RANBP2: variants seen among roughly 807,000 people sequenced by gnomAD.
The protein encoded by RANBP2 is RAN binding protein 2, also known as E3 SUMO-protein ligase RanBP2.
In RANBP2, 57 loss-of-function variants were observed where a neutral mutation model predicts 303.6. The ratio of observed to expected loss-of-function variants is 0.19; its 90% CI spans 0.15 to 0.23. The LOEUF (loss-of-function observed/expected upper bound fraction) is 0.23, where lower values mean the gene tolerates loss of function less well. Ranked by LOEUF, RANBP2 falls within the 10% of genes least tolerant of loss-of-function variation. The pLI, the probability that RANBP2 is intolerant of heterozygous loss-of-function variation, is 1.00. For synonymous variants in RANBP2, 1,167 were observed against 1,301.5 expected (o/e 0.90, Z 2.23); for missense variants, 3,138 against 3,780.8 (o/e 0.83, Z 4.46).
the RANBP2 span, among the ~76,000 whole-genome samples, chr2:109,561,385 G>A: frequency 6.6e-6 from 1 of 151,976 alleles, no homozygotes; most frequent in Admixed American, 6.6e-5. Context: ...CTCTCCTTTA[G>A]TGCTTATATC....
the RANBP2 span, among the ~76,000 whole-genome samples, chr2:108,966,045 AC>A: frequency 1.3e-5 from 2 of 152,200 alleles, no homozygotes; most frequent in Non-Finnish European, 2.9e-5. Context: ...CACAATTAAA[AC>A]ATTCAATATC....
chr2:109,657,619 TA>T, the RANBP2 span, among the ~76,000 whole-genome samples: 19 of 151,888 alleles, frequency 1.3e-4, no homozygotes, highest in South Asian at 2.1e-4. Flanking sequence ...TGCATTTAAC[TA>T]GGAATAAGAT....
chr2:109,639,796 C>T, the RANBP2 span, among the ~76,000 whole-genome samples: 2 of 151,180 alleles, frequency 1.3e-5, no homozygotes, highest in East Asian at 2.0e-4. Context: ...CGGCAACCTC[C>T]ACCTCCTGGG....
At chr2:108,865,634 C>T in the RANBP2 span, among the ~76,000 whole-genome samples, 8 of 152,160 alleles carry the variant, frequency 5.3e-5, no homozygotes, top group African/African-American at 1.9e-4. Flanking sequence ...TCTTAATAGT[C>T]CCTAGGCATC....
chr2:108,842,347 G>C, the RANBP2 span, among the ~76,000 whole-genome samples: 1 of 151,976 alleles, frequency 6.6e-6, no homozygotes, highest in East Asian at 1.9e-4. Flanking sequence ...CTGAAATAAA[G>C]AATTTATTAC....
the RANBP2 span, among the ~76,000 whole-genome samples, chr2:109,264,062 C>G: frequency 1.1e-4 from 17 of 152,334 alleles, no homozygotes; most frequent in Non-Finnish European, 1.6e-4. Flanking sequence ...CTGGGCTGTT[C>G]CAGCTCCTCC....
the RANBP2 span, among the ~76,000 whole-genome samples, chr2:109,639,144 T>C: frequency 6.6e-6 from 1 of 152,236 alleles, no homozygotes; most frequent in Non-Finnish European, 1.5e-5. Context: ...TATTCACTCA[T>C]ATTTTTCGTT....
At chr2:109,030,059 ACAT>A in the RANBP2 span, among the ~76,000 whole-genome samples, 1 of 152,220 alleles carries the variant, frequency 6.6e-6, no homozygotes, top group African/African-American at 2.4e-5. Flanking sequence ...TGCCTCCTTG[ACAT>A]CATTCTTTAG....
chr2:109,711,331 G>C, the RANBP2 span, among the ~76,000 whole-genome samples: 1 of 151,698 alleles, frequency 6.6e-6, no homozygotes, highest in Non-Finnish European at 1.5e-5. Flanking sequence ...TCCTACCATT[G>C]CCAGGGGTGG....
the RANBP2 span, among the ~76,000 whole-genome samples, chr2:109,092,261 G>T: frequency 1.3e-3 from 197 of 152,230 alleles, no homozygotes; most frequent in Non-Finnish European, 2.4e-3. Context: ...AGCGCAACAG[G>T]CCTGTCTCAG....
At chr2:109,369,637 T>G in the RANBP2 span, among the ~76,000 whole-genome samples, 2 of 152,206 alleles carry the variant, frequency 1.3e-5, no homozygotes, top group African/African-American at 4.8e-5. Context: ...CACGCTCTAC[T>G]TGTTCTCCTG....
chr2:109,431,998 T>G, the RANBP2 span, among the ~76,000 whole-genome samples: 3 of 152,234 alleles, frequency 2.0e-5, no homozygotes, highest in African/African-American at 7.2e-5. Context: ...TCTGGTTGAT[T>G]GGATAAGCCA....
chr2:108,977,661 G>A, the RANBP2 span, among the ~76,000 whole-genome samples: 1 of 152,042 alleles, frequency 6.6e-6, no homozygotes, highest in Non-Finnish European at 1.5e-5. Context: ...TCCCTCCTGG[G>A]ACCCGGCTCT....
the RANBP2 span, among the ~76,000 whole-genome samples, chr2:109,623,438 A>G: frequency 6.6e-6 from 1 of 152,308 alleles, no homozygotes; most frequent in South Asian, 2.1e-4. Context: ...ATGGGTTAAC[A>G]GAATGAACAG....
At chr2:108,837,034 A>T in the RANBP2 span, among the ~76,000 whole-genome samples, 8 of 151,766 alleles carry the variant, frequency 5.3e-5, no homozygotes, top group African/African-American at 1.9e-4. Flanking sequence ...TCCAATTTGG[A>T]TACTTTTTAT....
chr2:109,392,541 G>C, the RANBP2 span, among the ~76,000 whole-genome samples: 2 of 151,582 alleles, frequency 1.3e-5, no homozygotes, highest in Non-Finnish European at 2.9e-5. Context: ...ACGGAGTCTC[G>C]CACTGTTGCC....
chr2:109,263,576 T>C, the RANBP2 span, among the ~76,000 whole-genome samples: 2 of 152,310 alleles, frequency 1.3e-5, no homozygotes, highest in African/African-American at 4.8e-5. Context: ...AATTTGCTTT[T>C]AGGAGGTGGA....
chr2:109,295,687 C>T, the RANBP2 span, among the ~76,000 whole-genome samples: 5 of 152,042 alleles, frequency 3.3e-5, no homozygotes, highest in African/African-American at 7.2e-5. Flanking sequence ...GTCAGGAGGC[C>T]GGCATTTGGG....
the RANBP2 span, among the ~76,000 whole-genome samples, chr2:109,088,242 C>T: frequency 2.0e-5 from 3 of 151,766 alleles, no homozygotes; most frequent in Admixed American, 6.6e-5. Context: ...ACTAAAAATA[C>T]AAAAATTAGC....
Sources: allele counts gnomAD v4.1 joint callset (sites outside exome capture counted in the v4.1 genomes callset), GRCh38; gene constraint gnomAD v4.1.1; transcripts MANE v1.5; gene names NCBI Gene and HGNC (gene_info 2026-07-23, HGNC 2026-07-21).